DPP6: variants seen among roughly 807,000 people sequenced by gnomAD.
DPP6 encodes A-type potassium channel modulatory protein DPP6.
DPP6 carries 69 observed loss-of-function variants against 122.6 expected under a neutral mutation model. The ratio of observed to expected loss-of-function variants is 0.56; its 90% CI spans 0.46 to 0.69. The LOEUF (loss-of-function observed/expected upper bound fraction) is 0.69. Ranked by LOEUF, DPP6 falls within the 30% of genes least tolerant of loss-of-function variation. The probability of loss-of-function intolerance (pLI) is 0.00; values close to 1 mark genes in which losing one functional copy is unlikely to be tolerated. For synonymous variants in DPP6, 418 were observed against 433.1 expected (o/e 0.97, Z 0.43); for missense variants, 928 against 1,116.9 (o/e 0.83, Z 2.41).
chr7:154,836,008 G>C (rs1304605067), intron 16 of DPP6, among the ~76,000 whole-genome samples: 1 of 152,214 alleles, frequency 6.6e-6, no homozygotes, highest in Non-Finnish European at 1.5e-5. Flanking sequence ...AGTGGGCCCT[G>C]TAATGAGCAC....
chr7:154,367,238 CATT>C (rs1233245220), intron 1 of DPP6, among the ~76,000 whole-genome samples: 2 of 152,154 alleles, frequency 1.3e-5, no homozygotes, highest in African/African-American at 4.8e-5. Flanking sequence ...AAAGGGAACT[CATT>C]ATGTGTGATG....
intron 6 of DPP6, among the ~76,000 whole-genome samples, chr7:154,639,792 C>T (rs1835951221): frequency 6.6e-6 from 1 of 152,106 alleles, no homozygotes; most frequent in Admixed American, 6.6e-5. Flanking sequence ...AGAATAATGC[C>T]CCTGGTTTAT....
At chr7:154,167,155 T>G (rs955712773) in intron 1 of DPP6, among the ~76,000 whole-genome samples, 2 of 151,982 alleles carry the variant, frequency 1.3e-5, no homozygotes, top group African/African-American at 4.8e-5. Context: ...ACATTTTATC[T>G]TGGTCTCAGG....
At chr7:154,862,340 C>G (rs1355051583) in intron 17 of DPP6, among the ~76,000 whole-genome samples, 2 of 152,270 alleles carry the variant, frequency 1.3e-5, no homozygotes, top group African/African-American at 4.8e-5. Flanking sequence ...GCCTGGGAAC[C>G]AGTCTCCTGA....
chr7:154,210,013 T>A (rs544208645), intron 1 of DPP6, among the ~76,000 whole-genome samples: 1 of 152,282 alleles, frequency 6.6e-6, no homozygotes, highest in African/African-American at 2.4e-5. Flanking sequence ...AACACCTCTA[T>A]CTTCAAACTC....
rs1799198534 is a variant in DPP6, at chr7:154,031,025, G to A, written c.51+143291G>A. Reference sequence around the variant, plus strand: ...TGGTTACTAGCTCAGCCCACCAAGAGCTCACATGCCCAAGCTCTCCCTGGT... The same window carrying A: ...TGGTTACTAGCTCAGCCCACCAAGAACTCACATGCCCAAGCTCTCCCTGGT... On this transcript the variant is annotated intron_variant, in intron 1 of 25. Transcript: ENST00000404039. Among the ~76,000 whole-genome samples the A allele has an allele frequency of 2.0e-5, 3 of 152,022 alleles. No individual in the cohort carries two copies. In the South Asian group the frequency reaches 6.3e-4, roughly 32 times the overall value.
chr7:154,072,359 A>G lies in DPP6; in HGVS notation c.243+19296A>G, dbSNP rs142620466. On this transcript the variant is annotated intron_variant, in intron 1 of 25. Coordinates refer to ENST00000377770, the MANE Select transcript of DPP6 (RefSeq NM_130797.4). Reference sequence around the variant, plus strand: ...ATCCTATCCAGAGGTGTGACCTTCCAGACCTTGCTAACAGCATGCTGCTGC... The same window carrying G: ...ATCCTATCCAGAGGTGTGACCTTCCGGACCTTGCTAACAGCATGCTGCTGC... Among the ~76,000 whole-genome samples, 497 of 152,322 alleles carry G rather than the reference A, an allele frequency of 3.3e-3. 3 individuals are homozygous for G. Among genetic ancestry groups the G allele is most frequent in the African/African-American group, 0.011 (456 of 41,582 alleles).
intron 1 of DPP6, among the ~76,000 whole-genome samples, chr7:154,376,059 C>T (rs965563774): frequency 1.3e-5 from 2 of 152,186 alleles, no homozygotes; most frequent in Non-Finnish European, 2.9e-5. Context: ...CCAGCCTTCC[C>T]GGAAACCGTG....
At chr7:154,337,049 C>T (rs970343147) in intron 1 of DPP6, among the ~76,000 whole-genome samples, 1 of 152,228 alleles carries the variant, frequency 6.6e-6, no homozygotes, top group African/African-American at 2.4e-5. Context: ...AGCATTTAAA[C>T]ATCAGTGCCT....
At chr7:154,315,454 A>T (rs542974977) in intron 1 of DPP6, among the ~76,000 whole-genome samples, 5 of 152,202 alleles carry the variant, frequency 3.3e-5, no homozygotes, top group African/African-American at 1.2e-4. Context: ...CAATTTTTTG[A>T]GTTCCTAAGG....
intron 1 of DPP6, among the ~76,000 whole-genome samples, chr7:153,932,197 C>T (rs887621851): frequency 6.6e-6 from 1 of 150,920 alleles, no homozygotes; most frequent in Non-Finnish European, 1.5e-5. Context: ...CTTGGCTCAC[C>T]ACAACCTCCA....
At chr7:154,059,974 T>G (rs1385857145) in intron 1 of DPP6, among the ~76,000 whole-genome samples, 2 of 151,782 alleles carry the variant, frequency 1.3e-5, no homozygotes, top group African/African-American at 2.4e-5. Context: ...CTGAGATCCA[T>G]CCCCTCTTCC....
intron 6 of DPP6, among the ~76,000 whole-genome samples, chr7:154,650,040 G>A (rs150659361): frequency 6.6e-6 from 1 of 152,270 alleles, no homozygotes; most frequent in African/African-American, 2.4e-5. Flanking sequence ...AAAACTGTGG[G>A]CCTGCGCAGT....
At chr7:154,803,791 G>T (rs936080396) in intron 13 of DPP6, 73 bp from the exon 14 acceptor site, 1 of 1,547,166 alleles carries the variant, frequency 6.5e-7, no homozygotes. Context: ...GTCCAAAACA[G>T]TTGGAGGATG....
At chr7:154,148,834 C>T (rs1316486887) in intron 1 of DPP6, among the ~76,000 whole-genome samples, 1 of 152,172 alleles carries the variant, frequency 6.6e-6, no homozygotes, top group Non-Finnish European at 1.5e-5. Flanking sequence ...GTGACTGAAG[C>T]AGGGGCTGCT....
chr7:154,407,678 TAAAAG>T (rs1304393554), intron 1 of DPP6, among the ~76,000 whole-genome samples: 1 of 152,218 alleles, frequency 6.6e-6, no homozygotes, highest in Non-Finnish European at 1.5e-5. Context: ...TTCTTTAAAA[TAAAAG>T]AAGACTTAGA....
chr7:154,096,673 GAATA>G (rs1805343220), intron 1 of DPP6, among the ~76,000 whole-genome samples: 1 of 151,874 alleles, frequency 6.6e-6, no homozygotes, highest in African/African-American at 2.4e-5. Context: ...AACAGTGGGA[GAATA>G]AAATCTAAAA....
the DPP6 span, among the ~76,000 whole-genome samples, chr7:153,871,587 C>T: frequency 1.3e-5 from 2 of 152,174 alleles, no homozygotes; most frequent in Non-Finnish European, 2.9e-5. Flanking sequence ...GTTCCCTGAC[C>T]CCTTGCACTT....
At chr7:154,472,557 T>C (rs556807033) in intron 2 of DPP6, among the ~76,000 whole-genome samples, 1 of 152,360 alleles carries the variant, frequency 6.6e-6, no homozygotes, top group Admixed American at 6.5e-5. Flanking sequence ...TGATCATTCA[T>C]TCTGCTTTGG....
Sources: gnomAD v4.1 joint callset for allele counts (sites outside exome capture counted in the v4.1 genomes callset) on GRCh38, gnomAD v4.1.1 for gene constraint, MANE v1.5 for transcripts, NCBI Gene and HGNC (gene_info 2026-07-23, HGNC 2026-07-21) for gene names.